The following RASA4B variants were observed in gnomAD, a reference collection of about 807,000 sequenced individuals.
RASA4B encodes the protein RAS p21 protein activator 4B, also known as ras GTPase-activating protein 4B.
A neutral mutation model predicts 24.2 loss-of-function variants in RASA4B; 2 were observed. The ratio of observed to expected loss-of-function variants is 0.08; its 90% CI spans 0.03 to 0.26. RASA4B has a LOEUF of 0.26. RASA4B is among the 10% of genes least tolerant of loss of function. The probability of loss-of-function intolerance (pLI) is 1.00; values close to 1 mark genes in which losing one functional copy is unlikely to be tolerated. For missense variants in RASA4B, 8 were observed against 277.2 expected (o/e 0.03, Z 6.90); for synonymous variants, 2 against 125.6 (o/e 0.02, Z 6.58).
At chr7:102,490,637 C>T (rs1798895631) in intron 17 of RASA4B, among the ~76,000 whole-genome samples, 1 of 152,332 alleles carries the variant, frequency 6.6e-6, no homozygotes, top group Non-Finnish European at 1.5e-5. Flanking sequence ...AGATTAGACA[C>T]ACCCTGCGGT....
chr7:102,505,066 GA>G (rs1314101732), intron 5 of RASA4B, among the ~76,000 whole-genome samples: 1 of 111,100 alleles, frequency 9.0e-6, no homozygotes, highest in Non-Finnish European at 1.8e-5. Context: ...AAAAAATGAG[GA>G]AATGTTCTTT....
intron 5 of RASA4B, among the ~76,000 whole-genome samples, chr7:102,504,722 G>C (rs1429459961): frequency 7.8e-6 from 1 of 128,400 alleles, no homozygotes; most frequent in Non-Finnish European, 1.6e-5. Context: ...AAAACAGCCC[G>C]GGTGCAGTGG....
chr7:102,500,114 C>T (rs1164438066), intron 8 of RASA4B, among the ~76,000 whole-genome samples: 1 of 8,946 alleles, frequency 1.1e-4, no homozygotes, highest in African/African-American at 3.2e-4. Context: ...GGTGACAGAG[C>T]AAGACTCCAT....
chr7:102,513,046 C>G (rs1799758082), intron 1 of RASA4B, among the ~76,000 whole-genome samples: 2 of 152,180 alleles, frequency 1.3e-5, no homozygotes, highest in Non-Finnish European at 2.9e-5. Context: ...CAGCCCCAGG[C>G]AAGCTCCTGG....
chr7:102,497,126 C>T (rs1311118066), intron 8 of RASA4B, among the ~76,000 whole-genome samples, 162 bp from the exon 9 acceptor site: 6 of 146,828 alleles, frequency 4.1e-5, no homozygotes, highest in East Asian at 2.1e-4. Context: ...AGGCTCTGCC[C>T]GGGCTATTTA....
At chr7:102,512,774 G>C (rs1392477182) in intron 1 of RASA4B, among the ~76,000 whole-genome samples, 1 of 146,870 alleles carries the variant, frequency 6.8e-6, no homozygotes, top group Non-Finnish European at 1.5e-5. Context: ...GTAAGAGGGA[G>C]GGGGAGACTG....
intron 17 of RASA4B, among the ~76,000 whole-genome samples, chr7:102,490,736 C>T (rs1203475253): frequency 1.3e-5 from 2 of 149,794 alleles, no homozygotes; most frequent in Admixed American, 1.3e-4. Flanking sequence ...AGCCAGGCCA[C>T]TCCCACAGAG....
intron 10 of RASA4B, 46 bp from the exon 11 acceptor site, chr7:102,496,250 T>TG: frequency 9.7e-7 from 1 of 1,031,208 alleles, no homozygotes; most frequent in South Asian, 1.3e-5. Flanking sequence ...ACAAAGCTTT[T>TG]GGGGGAGGGG....
rs2133292387 is a variant in RASA4B, at chr7:102,480,112, C to T, written c.*3480G>A. On this transcript the variant is annotated 3_prime_UTR_variant, in exon 21 of 21. Coordinates refer to ENST00000465829, the MANE Select transcript of RASA4B (RefSeq NM_001367767.2). Reference sequence around the variant, plus strand: ...ACCAGAAGACAAGAGTGCGAGCTTTCTGTTATGCCCGGACAGGGCCACCAG... The same window carrying T: ...ACCAGAAGACAAGAGTGCGAGCTTTTTGTTATGCCCGGACAGGGCCACCAG... Among the ~76,000 whole-genome samples the T allele has an allele frequency of 6.6e-6, 1 of 152,220 alleles. No homozygotes were observed. The highest frequency in any genetic ancestry group is 1.9e-4 in the East Asian group (1 of 5,188).
At chr7:102,513,081 C>T (rs1799759825) in intron 1 of RASA4B, among the ~76,000 whole-genome samples, 6 of 152,066 alleles carry the variant, frequency 3.9e-5, no homozygotes, top group Admixed American at 3.3e-4. Flanking sequence ...ACACCAAAGT[C>T]GAGCCCCTTA....
At position 102,480,098 on chromosome 7, in the gene RASA4B, A is replaced by G. The variant is rs1194729428; in HGVS notation, c.*3494T>C. Among the ~76,000 whole-genome samples the G allele has an allele frequency of 1.3e-5, 2 of 152,054 alleles. No homozygotes were observed. Among genetic ancestry groups the G allele is most frequent in the African/African-American group, 2.4e-5 (1 of 41,438 alleles). On this transcript the variant is annotated 3_prime_UTR_variant, in exon 21 of 21. Transcript: ENST00000465829. The stretch of plus-strand genomic sequence containing the variant: ...GACAATGAGGAGTGACCAGAAGACA[A>G]GAGTGCGAGCTTTCTGTTATGCCCG...
In RASA4B at chr7:102,481,214, CTTT is replaced by C. The variant is rs538913748; in HGVS notation, c.*2375_*2377del. 5.7e-4 allele frequency among the ~76,000 whole-genome samples: 37 copies of C among 64,812 alleles called. No homozygotes were observed. Among genetic ancestry groups the C allele is most frequent in the Middle Eastern group, 6.8e-3 (1 of 146 alleles). 42.5% of individuals were successfully genotyped at this position (64,812 alleles called of 152,430 possible). On this transcript the variant is annotated 3_prime_UTR_variant, in exon 21 of 21. Coordinates refer to ENST00000465829, the MANE Select transcript of RASA4B (RefSeq NM_001367767.2). Reference sequence around the variant, plus strand: ...AAATTTCAAGTCTCCTTTATTTTCCCTTTTTTTTTTTTTTTTTTTTAATTTTAG... The same window carrying C: ...AAATTTCAAGTCTCCTTTATTTTCCCTTTTTTTTTTTTTTTTTAATTTTAG...
rs538913748 is a variant in RASA4B at position 102,481,214 on chromosome 7, CT to C, written c.*2377del. 0.017 allele frequency among the ~76,000 whole-genome samples: 1,076 copies of C among 64,802 alleles called. 111 individuals carry two copies. The highest frequency in any genetic ancestry group is 0.045 in the African/African-American group (908 of 20,236). 42.5% of individuals were successfully genotyped at this position (64,802 alleles called of 152,430 possible). On this transcript the variant is annotated 3_prime_UTR_variant, in exon 21 of 21. Coordinates refer to ENST00000465829, the MANE Select transcript of RASA4B (RefSeq NM_001367767.2). The stretch of plus-strand genomic sequence containing the variant: ...AAATTTCAAGTCTCCTTTATTTTCC[CT>C]TTTTTTTTTTTTTTTTTTTAATTTT...
rs1251190486 is a variant in RASA4B, at chr7:102,481,058, C to A, written c.*2534G>T. On this transcript the variant is annotated 3_prime_UTR_variant, in exon 21 of 21. Transcript: ENST00000465829. ...TTTGTTGCAATTGGTTAAATATCTT[C>A]TCTTTTTTATACTTTTTATTGTAGT... is the stretch of plus-strand genomic sequence containing the variant. Among the ~76,000 whole-genome samples, 1 of 91,210 alleles carries A rather than the reference C, an allele frequency of 1.1e-5. No individual in the cohort carries two copies. The highest frequency in any genetic ancestry group is 3.0e-5 in the Non-Finnish European group (1 of 33,362). The allele number at this position is 91,210 out of a possible 152,430, so 59.8% of individuals were successfully genotyped here.
chr7:102,502,760 A>G (rs1799365416), intron 6 of RASA4B, among the ~76,000 whole-genome samples: 1 of 112,604 alleles, frequency 8.9e-6, no homozygotes, highest in Non-Finnish European at 2.2e-5. Flanking sequence ...ACTTGGCCTC[A>G]AAAAAAAAAA....
chr7:102,504,217 TCC>T (rs1177056169), intron 5 of RASA4B, among the ~76,000 whole-genome samples: 1 of 152,234 alleles, frequency 6.6e-6, no homozygotes, highest in Non-Finnish European at 1.5e-5. Context: ...CAAGCAATCC[TCC>T]CACGTCAGCC....
At chr7:102,487,883 A>G (rs2107078) in intron 18 of RASA4B, 33 of 496 alleles carry the variant, frequency 0.067, 2 homozygotes, top group South Asian at 0.5. Context: ...AGATTGCACC[A>G]CTGCACTCCA....
At chr7:102,504,619 T>G (rs1799429866) in intron 5 of RASA4B, among the ~76,000 whole-genome samples, 1 of 87,578 alleles carries the variant, frequency 1.1e-5, no homozygotes. Flanking sequence ...GAGGCAGAGG[T>G]TGCAGTGAGC....
intron 8 of RASA4B, among the ~76,000 whole-genome samples, chr7:102,498,774 A>C: frequency 9.4e-6 from 1 of 106,434 alleles, no homozygotes; most frequent in East Asian, 2.6e-4. Context: ...CAAGTGATCC[A>C]CCCACCTCAA....
Sources: allele counts gnomAD v4.1 joint callset (sites outside exome capture counted in the v4.1 genomes callset), GRCh38; gene constraint gnomAD v4.1.1; transcripts MANE v1.5; gene names NCBI Gene and HGNC (gene_info 2026-07-23, HGNC 2026-07-21).